Variants in AUTS2 observed in about 807,000 individuals in gnomAD.
The protein encoded by AUTS2 is activator of transcription and developmental regulator AUTS2.
In AUTS2, 17 loss-of-function variants were observed where a neutral mutation model predicts 112.4. The observed-to-expected ratio is 0.15, with a 90% CI of 0.10 to 0.23. AUTS2 has a LOEUF of 0.23. Among genes scored for constraint, AUTS2 ranks in the 10% least tolerant of loss-of-function variants. AUTS2 has a pLI of 1.00. For synonymous variants in AUTS2, 751 were observed against 702.7 expected, an observed-to-expected ratio of 1.07 and a Z score of -1.09; for missense variants, 1,510 against 1,701.6, an observed-to-expected ratio of 0.89 and a Z score of 1.98.
At chr7:70,024,229 A>G (rs1800411343) in intron 2 of AUTS2, among the ~76,000 whole-genome samples, 1 of 152,248 alleles carries the variant, frequency 6.6e-6, no homozygotes, top group Non-Finnish European at 1.5e-5. Flanking sequence ...GTTACTTAAA[A>G]TGCAGTCCTA....
Position 69,692,607 on chromosome 7 carries a change from T to A in AUTS2, c.309+92645T>A, listed in dbSNP as rs1426652653. Among the ~76,000 whole-genome samples the A allele has an allele frequency of 4.6e-5, 7 of 152,370 alleles. No homozygotes were observed. In the East Asian group the frequency reaches 1.2e-3, roughly 25 times the overall value. On this transcript the variant is annotated intron_variant, in intron 1 of 18. Transcript: ENST00000342771. ...AGTTGATGCAAATTTGTGCTCAACT[T>A]TTCCTGAGGGGAAATGGAGAGATAC...
intron 5 of AUTS2, among the ~76,000 whole-genome samples, chr7:70,602,267 GCT>G (rs1803513077): frequency 6.6e-6 from 1 of 152,184 alleles, no homozygotes. Flanking sequence ...CTTACAAAGT[GCT>G]CTCTCAACCT....
chr7:70,140,407 G>A (rs12698856), intron 4 of AUTS2, among the ~76,000 whole-genome samples: 32,476 of 152,064 alleles, frequency 0.21, 3,444 homozygotes, highest in Middle Eastern at 0.33. Flanking sequence ...CACTGTATTT[G>A]AATAAGAGGG....
chr7:70,048,363 A>G lies in AUTS2; in HGVS notation c.523-69769A>G, dbSNP rs144192935. Among the ~76,000 whole-genome samples, 175 of 152,286 alleles carry G rather than the reference A, an allele frequency of 1.1e-3. 1 individual carries two copies. The East Asian group carries it at 0.013, about 11-fold the overall frequency. On this transcript the variant is annotated intron_variant, in intron 2 of 18. Transcript: ENST00000342771. ...AGCTCTGGATTTTTCTTTAACACCC[A>G]GTTCCTGAACCTCCATGGCCCAGCT...
Position 70,247,664 on chromosome 7 carries a change from G to T in AUTS2, c.660+113093G>T, listed in dbSNP as rs372317625. ...AGTTATAGTAAGTTTTTTGCAGCTC[G>T]TCTAGATTTCTGTATATGCAGTAAT... is the stretch of plus-strand genomic sequence containing the variant. On this transcript the variant is annotated intron_variant, in intron 4 of 18. Coordinates refer to ENST00000342771, the MANE Select transcript of AUTS2 (RefSeq NM_015570.4). Among the ~76,000 whole-genome samples the T allele has an allele frequency of 1.5e-4, 23 of 152,162 alleles. No individual in the cohort carries two copies. In the East Asian group the frequency reaches 3.5e-3, roughly 23 times the overall value.
At chr7:70,331,311 C>T (rs1380238472) in intron 4 of AUTS2, among the ~76,000 whole-genome samples, 2 of 152,080 alleles carry the variant, frequency 1.3e-5, no homozygotes, top group Non-Finnish European at 2.9e-5. Context: ...TCCATTTCTT[C>T]TAGATTTTCT....
At chr7:70,763,407 C>CG in intron 7 of AUTS2, 66 bp downstream of exon 7, 2 of 1,189,528 alleles carry the variant, frequency 1.7e-6, no homozygotes, top group Non-Finnish European at 2.4e-6. Flanking sequence ...GGGTGGGAGT[C>CG]GGGGAGGGAT....
intron 5 of AUTS2, among the ~76,000 whole-genome samples, chr7:70,496,551 GAC>G (rs1409475545): frequency 7.2e-4 from 19 of 26,212 alleles, no homozygotes; most frequent in South Asian, 1.4e-3. Flanking sequence ...TACACAGTCA[GAC>G]ACACACACAC....
intron 4 of AUTS2, among the ~76,000 whole-genome samples, chr7:70,316,528 C>T (rs746510669): frequency 9.2e-5 from 14 of 151,842 alleles, no homozygotes; most frequent in African/African-American, 1.9e-4. Flanking sequence ...CTCAGCCACC[C>T]GAGCAGCTGG....
chr7:69,687,858 C>G (rs1209670538), intron 1 of AUTS2, among the ~76,000 whole-genome samples: 1 of 152,090 alleles, frequency 6.6e-6, no homozygotes, highest in Non-Finnish European at 1.5e-5. Flanking sequence ...TTTGCTTTTC[C>G]TATCAAATTG....
chr7:70,247,847 C>T (rs1813006571), intron 4 of AUTS2, among the ~76,000 whole-genome samples: 1 of 152,068 alleles, frequency 6.6e-6, no homozygotes, highest in Non-Finnish European at 1.5e-5. Context: ...GAATGTTTCC[C>T]ATTAAATATG....
chr7:69,839,932 T>G (rs1034819720), intron 1 of AUTS2, among the ~76,000 whole-genome samples: 1 of 151,984 alleles, frequency 6.6e-6, no homozygotes, highest in Non-Finnish European at 1.5e-5. Context: ...CAGGAATCAT[T>G]GTAGACCAGT....
intron 6 of AUTS2, among the ~76,000 whole-genome samples, chr7:70,747,884 C>T (rs1042629080): frequency 3.3e-5 from 5 of 151,364 alleles, no homozygotes; most frequent in South Asian, 2.1e-4. Context: ...TGCAGTGGCG[C>T]GATCTCGGCT....
chr7:69,689,973 G>A (rs1037181082), intron 1 of AUTS2, among the ~76,000 whole-genome samples: 9 of 151,966 alleles, frequency 5.9e-5, no homozygotes, highest in African/African-American at 1.7e-4. Flanking sequence ...GATTATAGGC[G>A]TGAGCCACTG....
chr7:69,929,540 A>AT (rs1372614387), intron 2 of AUTS2, among the ~76,000 whole-genome samples: 2 of 148,652 alleles, frequency 1.3e-5, no homozygotes, highest in Non-Finnish European at 3.0e-5. Flanking sequence ...TGCTACTTTG[A>AT]TTTTTCTTCA....
intron 1 of AUTS2, among the ~76,000 whole-genome samples, chr7:69,641,238 G>A (rs996742163): frequency 6.6e-6 from 1 of 152,146 alleles, no homozygotes; most frequent in Non-Finnish European, 1.5e-5. Context: ...TTTTCCCCTG[G>A]TTTAGAACAG....
rs149527306 is a variant in AUTS2 at position 69,888,312 on chromosome 7, G to A, written c.310-10974G>A. 2.8e-3 allele frequency among the ~76,000 whole-genome samples: 431 copies of A among 151,696 alleles called. 1 individual carries two copies. The highest frequency in any genetic ancestry group is 0.01 in the Middle Eastern group (3 of 294). ...CATGTGGCTTCCACTCATGATGGAC[G>A]GCAAAGGGGAGTCAGTGTGTGCAGA... On this transcript the variant is annotated intron_variant, in intron 1 of 18. Transcript: ENST00000342771.
intron 2 of AUTS2, among the ~76,000 whole-genome samples, chr7:70,002,549 G>T (rs1447399105): frequency 6.6e-6 from 1 of 152,010 alleles, no homozygotes. Flanking sequence ...AACTCTTTTG[G>T]CAGTGGCGAA....
At chr7:70,013,641 A>G (rs542652440) in intron 2 of AUTS2, among the ~76,000 whole-genome samples, 3 of 152,344 alleles carry the variant, frequency 2.0e-5, no homozygotes, top group African/African-American at 4.8e-5. Context: ...ACTGTCTGCC[A>G]TAGCTGAAGA....
Sources: allele counts gnomAD v4.1 joint callset (sites outside exome capture counted in the v4.1 genomes callset), GRCh38; gene constraint gnomAD v4.1.1; transcripts MANE v1.5; gene names NCBI Gene and HGNC (gene_info 2026-07-23, HGNC 2026-07-21).